The following RHBDD1 variants were observed in gnomAD, a reference collection of about 807,000 sequenced individuals.
RHBDD1 encodes the protein rhomboid domain containing 1.
In RHBDD1, 38 loss-of-function variants were observed where a neutral mutation model predicts 36.3. That is an observed-to-expected ratio of 1.05 (90% CI 0.81 to 1.37). The LOEUF (loss-of-function observed/expected upper bound fraction) is 1.37, where lower values mean the gene tolerates loss of function less well. Ranked by LOEUF, RHBDD1 falls within the 40% of genes most tolerant of loss-of-function variation. The pLI, the probability that RHBDD1 is intolerant of heterozygous loss-of-function variation, is 0.00. For missense variants in RHBDD1, 393 were observed against 377.6 expected (o/e 1.04, Z -0.34); for synonymous variants, 151 against 136.5 (o/e 1.11, Z -0.74).
chr2:226,988,638 G>A (rs1032755022), intron 8 of RHBDD1: 1 of 1,326,858 alleles, frequency 7.5e-7, no homozygotes, highest in Non-Finnish European at 9.6e-7. Context: ...TGGCCCTGGA[G>A]CTTCTGAGAG....
At chr2:226,873,178 A>G (rs1198103592) in intron 5 of RHBDD1, among the ~76,000 whole-genome samples, 1 of 152,220 alleles carries the variant, frequency 6.6e-6, no homozygotes, top group East Asian at 1.9e-4. Context: ...GTGGGCATTA[A>G]GAGTATTTCT....
At position 226,995,766 on chromosome 2, in the gene RHBDD1, C is replaced by G; in HGVS notation, c.*244C>G. The G allele has an allele frequency of 2.0e-6, 1 of 499,166 alleles. No homozygotes were observed. Among genetic ancestry groups the G allele is most frequent in the Non-Finnish European group, 3.5e-6 (1 of 284,142 alleles). The allele number at this position is 499,166 out of a possible 1,614,324, so 30.9% of individuals were successfully genotyped here. A position where few individuals can be genotyped will look rare whatever the true frequency, so the allele number is the denominator to read the frequency against. On this transcript the variant is annotated 3_prime_UTR_variant, in exon 9 of 9. Coordinates refer to ENST00000392062, the MANE Select transcript of RHBDD1 (RefSeq NM_001167608.3). ...ACAGGTCACTTCCTCCATGAAGAGA[C>G]CAGTTTCCACGCTCCCATCTCTCAC...
intron 3 of RHBDD1, among the ~76,000 whole-genome samples, chr2:226,859,505 A>G (rs572493645): frequency 9.2e-5 from 14 of 152,186 alleles, no homozygotes; most frequent in Non-Finnish European, 1.2e-4. Context: ...CCTGGAACCA[A>G]TCTTCCATGG....
chr2:226,905,739 A>C (rs1948002224), intron 5 of RHBDD1, among the ~76,000 whole-genome samples: 1 of 152,210 alleles, frequency 6.6e-6, no homozygotes, highest in African/African-American at 2.4e-5. Context: ...TCTGTGCCCA[A>C]CACTGGGCAT....
At chr2:226,846,200 G>A (rs932999554) in intron 3 of RHBDD1, among the ~76,000 whole-genome samples, 1 of 152,202 alleles carries the variant, frequency 6.6e-6, no homozygotes, top group Non-Finnish European at 1.5e-5. Flanking sequence ...AATCAGACTT[G>A]AAACCTTGGC....
chr2:226,952,782 A>G (rs912378555), intron 8 of RHBDD1, among the ~76,000 whole-genome samples: 1 of 152,128 alleles, frequency 6.6e-6, no homozygotes, highest in Non-Finnish European at 1.5e-5. Flanking sequence ...CCCTCAGGGA[A>G]TGTGGTCAAA....
chr2:226,916,376 G>A (rs181994277), intron 8 of RHBDD1, among the ~76,000 whole-genome samples: 1 of 152,244 alleles, frequency 6.6e-6, no homozygotes, highest in African/African-American at 2.4e-5. Flanking sequence ...TGAAATCTGG[G>A]GAAAGGGCCC....
chr2:226,954,377 A>T (rs181605911), intron 8 of RHBDD1, among the ~76,000 whole-genome samples: 1 of 152,238 alleles, frequency 6.6e-6, no homozygotes, highest in Non-Finnish European at 1.5e-5. Context: ...GAATGTGCTT[A>T]TGGATTTAAG....
At chr2:226,852,920 T>TTAG (rs1353092921) in intron 3 of RHBDD1, among the ~76,000 whole-genome samples, 1 of 146,376 alleles carries the variant, frequency 6.8e-6, no homozygotes, top group Non-Finnish European at 1.5e-5. Context: ...ATTATTATTA[T>TTAG]TATTATTATT....
intron 8 of RHBDD1, among the ~76,000 whole-genome samples, chr2:226,954,955 G>C (rs192135851): frequency 3.3e-5 from 5 of 151,976 alleles, no homozygotes; most frequent in Admixed American, 6.6e-5. Flanking sequence ...AGTGGGGAGC[G>C]TTCACCCAGA....
chr2:226,911,422 A>G (rs1166655759), intron 7 of RHBDD1, among the ~76,000 whole-genome samples: 3 of 152,012 alleles, frequency 2.0e-5, no homozygotes, highest in African/African-American at 7.2e-5. Context: ...ATCCCATGCT[A>G]TTCAGTGACG....
chr2:226,805,467 C>G, the RHBDD1 span, among the ~76,000 whole-genome samples: 1 of 152,238 alleles, frequency 6.6e-6, no homozygotes, highest in African/African-American at 2.4e-5. Context: ...CCCGCCTTGG[C>G]CTCCCAAAGT....
intron 8 of RHBDD1, among the ~76,000 whole-genome samples, chr2:226,931,089 A>G (rs768662121): frequency 6.6e-5 from 10 of 152,206 alleles, no homozygotes; most frequent in East Asian, 1.9e-4. Context: ...AGATTCTTCA[A>G]AGAACTAAAT....
chr2:226,990,955 A>G (rs1384090433), intron 8 of RHBDD1, among the ~76,000 whole-genome samples: 1 of 152,212 alleles, frequency 6.6e-6, no homozygotes, highest in Non-Finnish European at 1.5e-5. Context: ...ATTTAAGCAG[A>G]GAAAAGAAGA....
chr2:226,865,148 G>T (rs1944217817), intron 4 of RHBDD1, 22 bp downstream of exon 4: 3 of 1,568,276 alleles, frequency 1.9e-6, no homozygotes, highest in Admixed American at 1.8e-5. Flanking sequence ...AAAATTTTGA[G>T]GTTGCATGCA....
intron 8 of RHBDD1, among the ~76,000 whole-genome samples, chr2:226,937,490 T>A (rs765088796): frequency 2.6e-5 from 4 of 152,114 alleles, no homozygotes; most frequent in Non-Finnish European, 5.9e-5. Context: ...GTTTGTTAAA[T>A]ATGTAAACGT....
At chr2:226,957,108 C>T (rs1489526763) in intron 8 of RHBDD1, among the ~76,000 whole-genome samples, 1 of 152,152 alleles carries the variant, frequency 6.6e-6, no homozygotes, top group African/African-American at 2.4e-5. Flanking sequence ...CCCATGGGGG[C>T]AGAAAGGTAG....
In RHBDD1 at chr2:226,992,492, G is replaced by A. The variant is rs1029706226; in HGVS notation, c.857-2939G>A. Among the ~76,000 whole-genome samples, 9 of 152,064 alleles carry A rather than the reference G, an allele frequency of 5.9e-5. No homozygotes were observed. In the South Asian group the frequency reaches 6.2e-4, roughly 11 times the overall value. ...TTAAGAGCTGGCATGATTACAAATC[G>A]GGCATTATTGTGGTTTGGGTTGTAT... On this transcript the variant is annotated intron_variant, in intron 8 of 8. Coordinates refer to ENST00000392062, the MANE Select transcript of RHBDD1 (RefSeq NM_001167608.3).
chr2:226,961,595 G>A (rs1480077249), intron 8 of RHBDD1, among the ~76,000 whole-genome samples: 1 of 151,906 alleles, frequency 6.6e-6, no homozygotes, highest in African/African-American at 2.4e-5. Context: ...TGCAATTAAG[G>A]CAGAGAGGAA....
Sources: allele counts gnomAD v4.1 joint callset (sites outside exome capture counted in the v4.1 genomes callset), GRCh38; gene constraint gnomAD v4.1.1; transcripts MANE v1.5; gene names NCBI Gene and HGNC (gene_info 2026-07-23, HGNC 2026-07-21).